The following UNC13C variants were observed in gnomAD, a reference collection of about 807,000 sequenced individuals.
UNC13C encodes the protein protein unc-13 homolog C.
In UNC13C, 174 loss-of-function variants were observed where a neutral mutation model predicts 245.4. The ratio of observed to expected loss-of-function variants is 0.71; its 90% CI spans 0.63 to 0.80. UNC13C has a LOEUF of 0.80. Among genes scored for constraint, UNC13C ranks in the 30% least tolerant of loss-of-function variants. The pLI is 0.00. For missense variants in UNC13C, 2,829 were observed against 2,602.9 expected (o/e 1.09, Z -1.89); for synonymous variants, 992 against 895.1 (o/e 1.11, Z -1.93).
At chr15:54,467,528 A>G (rs928881554) in intron 19 of UNC13C, among the ~76,000 whole-genome samples, 1 of 151,666 alleles carries the variant, frequency 6.6e-6, no homozygotes, top group Non-Finnish European at 1.5e-5. Context: ...ACAATAAATT[A>G]TTATTTACTG....
intron 19 of UNC13C, among the ~76,000 whole-genome samples, chr15:54,479,133 A>T (rs1892952005): frequency 6.6e-6 from 1 of 152,082 alleles, no homozygotes; most frequent in Non-Finnish European, 1.5e-5. Flanking sequence ...TATGCTGTCC[A>T]GTGCTTCAAG....
intron 2 of UNC13C, among the ~76,000 whole-genome samples, chr15:54,064,374 C>A (rs558349291): frequency 2.6e-5 from 4 of 152,262 alleles, no homozygotes; most frequent in Middle Eastern, 3.4e-3. Context: ...GTTTGAGAAC[C>A]TGTCTCTAGC....
chr15:54,577,253 C>A (rs1044983172), intron 30 of UNC13C, among the ~76,000 whole-genome samples: 8 of 152,050 alleles, frequency 5.3e-5, no homozygotes, highest in Non-Finnish European at 1.5e-5. Flanking sequence ...CAGTCTGTTA[C>A]ATGAAACTCA....
chr15:53,983,970 A>G (rs1186632535), intron 1 of UNC13C, among the ~76,000 whole-genome samples: 2 of 151,898 alleles, frequency 1.3e-5, no homozygotes, highest in Admixed American at 6.6e-5. Context: ...TTATCTTCCT[A>G]TTAACACTAC....
chr15:53,866,638 G>T, the UNC13C span, among the ~76,000 whole-genome samples: 1 of 152,138 alleles, frequency 6.6e-6, no homozygotes, highest in Non-Finnish European at 1.5e-5. Context: ...TCCAATGTCT[G>T]AGCAGTAAAT....
chr15:54,147,560 A>G (rs962416627), intron 4 of UNC13C, among the ~76,000 whole-genome samples: 3 of 152,170 alleles, frequency 2.0e-5, no homozygotes, highest in Non-Finnish European at 4.4e-5. Context: ...ACAAAGTCAC[A>G]TGAGTACCTT....
the UNC13C span, among the ~76,000 whole-genome samples, chr15:53,936,822 C>G: frequency 3.3e-5 from 5 of 152,172 alleles, no homozygotes; most frequent in Non-Finnish European, 7.3e-5. Flanking sequence ...TAAAGAAAAA[C>G]AAATGGAAAT....
intron 29 of UNC13C, among the ~76,000 whole-genome samples, chr15:54,556,683 G>A (rs948383560): frequency 6.6e-6 from 1 of 151,810 alleles, no homozygotes; most frequent in Non-Finnish European, 1.5e-5. Context: ...AAAAATTTGA[G>A]GAAGAAATAA....
chr15:54,246,709 C>T (rs2140856703), intron 7 of UNC13C, among the ~76,000 whole-genome samples: 1 of 142,816 alleles, frequency 7.0e-6, no homozygotes, highest in East Asian at 2.1e-4. Flanking sequence ...GATGAGAACA[C>T]ATGGACACCT....
rs183527017 is a variant in UNC13C, at chr15:54,432,814, G to T, written c.4933+17747G>T. ...AAAAAAATCAATGAATCCAAGAGCT[G>T]GTTTTTTGAAAAGATTAACAAAATA... On this transcript the variant is annotated intron_variant, in intron 19 of 32. Transcript: ENST00000260323. 2.0e-5 allele frequency among the ~76,000 whole-genome samples: 3 copies of T among 152,020 alleles called. No individual in the cohort carries two copies. The East Asian group carries it at 5.8e-4, about 29-fold the overall frequency.
chr15:54,146,243 AC>A (rs2032251814), intron 4 of UNC13C, among the ~76,000 whole-genome samples: 1 of 152,190 alleles, frequency 6.6e-6, no homozygotes, highest in Non-Finnish European at 1.5e-5. Flanking sequence ...ACTGGGGCAG[AC>A]TTTTGAAATA....
At chr15:53,903,197 G>A in the UNC13C span, among the ~76,000 whole-genome samples, 3 of 152,204 alleles carry the variant, frequency 2.0e-5, no homozygotes, top group African/African-American at 7.2e-5. Flanking sequence ...CAAAGCTAAT[G>A]CAGACTGCAT....
rs201440683 is a variant in UNC13C, at chr15:54,264,200, G to A, written c.3481G>A (p.Glu1161Lys). Residue 1161 changes from glutamate (E) to lysine (K), a missense_variant, in exon 9 of 33, where the codon GAA becomes AAA. Glu to Lys is a moderately conservative substitution (Grantham distance 56). Transcript: ENST00000260323. ...AAEKSSKHGA[E>K]DKTQTIITAM... ...AGAAAAGAGTTCTAAACATGGTGCC[G>A]AAGACAAGACTCAGACCATTATTAC... 25 of 1,588,202 alleles carry A rather than the reference G, an allele frequency of 1.6e-5. No individual in the cohort carries two copies. The highest frequency in any genetic ancestry group is 4.5e-5 in the East Asian group (2 of 44,008).
chr15:54,567,654 A>C (rs1277022469), intron 29 of UNC13C, 146 bp from the exon 30 acceptor site: 9 of 653,866 alleles, frequency 1.4e-5, no homozygotes, highest in Non-Finnish European at 9.6e-6. Context: ...TTAATAACTT[A>C]GCAATGGGAA....
At chr15:54,161,773 A>G (rs917168641) in intron 4 of UNC13C, among the ~76,000 whole-genome samples, 1 of 152,092 alleles carries the variant, frequency 6.6e-6, no homozygotes, top group African/African-American at 2.4e-5. Flanking sequence ...CAACACAGAG[A>G]AACCCTGTCT....
rs902456787 is a variant in UNC13C at position 54,597,860 on chromosome 15, A to T, written c.6107-24467A>T. Among the ~76,000 whole-genome samples, 12 of 152,344 alleles carry T rather than the reference A, an allele frequency of 7.9e-5. No individual in the cohort carries two copies. The South Asian group carries it at 1.9e-3, about 24-fold the overall frequency. The stretch of plus-strand genomic sequence containing the variant: ...TATAAACAATTTTCCAGTTATACCT[A>T]ATACTCATGGAGCACAGTAATGACT... On this transcript the variant is annotated intron_variant, in intron 30 of 32. Transcript: ENST00000260323.
intron 2 of UNC13C, among the ~76,000 whole-genome samples, chr15:54,032,877 C>T (rs1210153929): frequency 1.3e-5 from 2 of 152,088 alleles, no homozygotes; most frequent in African/African-American, 4.8e-5. Flanking sequence ...AGTGAAGTAA[C>T]TCAGGAATGG....
At chr15:53,975,257 T>A (rs1893660070), upstream of UNC13C, among the ~76,000 whole-genome samples, 1 of 152,234 alleles carries the variant, frequency 6.6e-6, no homozygotes, top group Admixed American at 6.5e-5. Context: ...TCTTTCCAAA[T>A]TGCATAAGAT....
At chr15:54,133,543 G>A (rs370987262) in intron 2 of UNC13C, among the ~76,000 whole-genome samples, 1 of 152,250 alleles carries the variant, frequency 6.6e-6, no homozygotes, top group South Asian at 2.1e-4. Context: ...TGGATGTACT[G>A]TGGTCTCGCA....
Sources: gnomAD v4.1 joint callset for allele counts (sites outside exome capture counted in the v4.1 genomes callset) on GRCh38, gnomAD v4.1.1 for gene constraint, MANE v1.5 for transcripts, NCBI Gene and HGNC (gene_info 2026-07-23, HGNC 2026-07-21) for gene names.